TMEM67: variants seen among roughly 807,000 people sequenced by gnomAD.
TMEM67 encodes the protein meckelin.
Under a neutral mutation model 136.6 loss-of-function variants are expected in TMEM67, and 124 were observed. That is an observed-to-expected ratio of 0.91 (90% confidence interval 0.78 to 1.05). The LOEUF (loss-of-function observed/expected upper bound fraction) is 1.05. Ranked by LOEUF, TMEM67 falls within the 50% of genes least tolerant of loss-of-function variation. The probability of loss-of-function intolerance (pLI) is 0.00; values close to 1 mark genes in which losing one functional copy is unlikely to be tolerated. For synonymous variants in TMEM67, 364 were observed against 390.5 expected (o/e 0.93, Z 0.80); for missense variants, 1,107 against 1,178.4 (o/e 0.94, Z 0.89).
intron 17 of TMEM67, 52 bp from the exon 18 acceptor site, chr8:93,795,849 A>G: frequency 7.2e-7 from 1 of 1,389,934 alleles, no homozygotes; most frequent in Non-Finnish European, 1.0e-6. Flanking sequence ...ACAAACAAAC[A>G]AACAAAAAAA....
At chr8:93,826,481 G>A in the TMEM67 span, among the ~76,000 whole-genome samples, 1 of 152,134 alleles carries the variant, frequency 6.6e-6, no homozygotes, top group Non-Finnish European at 1.5e-5. Context: ...AGTGAAAGCT[G>A]TGTGACTCAA....
chr8:93,794,317 T>C (rs1290761656), intron 16 of TMEM67, among the ~76,000 whole-genome samples: 1 of 152,240 alleles, frequency 6.6e-6, no homozygotes, highest in African/African-American at 2.4e-5. Flanking sequence ...CATTTTATTC[T>C]ATTAACTTTA....
At chr8:93,813,010 A>G (rs999499080) in intron 26 of TMEM67, among the ~76,000 whole-genome samples, 1 of 152,186 alleles carries the variant, frequency 6.6e-6, no homozygotes, top group Non-Finnish European at 1.5e-5. Context: ...TGCTGGGATT[A>G]CAGGCATGAG....
At chr8:93,832,469 C>A in the TMEM67 span, among the ~76,000 whole-genome samples, 63 of 152,228 alleles carry the variant, frequency 4.1e-4, no homozygotes, top group African/African-American at 1.5e-3. Flanking sequence ...TTGGAGAGAT[C>A]ACCTTCTATA....
In TMEM67 at chr8:93,772,629, A is replaced by C. The variant is rs143495661; in HGVS notation, c.692A>C (p.Gln231Pro). 5.6e-6 allele frequency: 9 copies of C among 1,612,602 alleles called. No individual in the cohort carries two copies. The African/African-American group carries it at 9.3e-5, about 17-fold the overall frequency. The stretch of plus-strand genomic sequence containing the variant: ...TCAGAATGGTTTGCAAAGTATTTGC[A>C]ATCATCAGCAGCTGCATGTTGGGTA... ...LTSEWFAKYL[Q>P]SSAAACWVYA... is the part of the protein sequence containing the mutation. Residue 231 changes from glutamine to proline, a missense_variant, in exon 7 of 28, where the codon CAA (glutamine) becomes CCA (proline). Physicochemically the swap from Gln to Pro is moderately conservative, Grantham distance 76. Coordinates refer to ENST00000453321, the MANE Select transcript of TMEM67 (RefSeq NM_153704.6).
chr8:93,785,239 T>TA lies in TMEM67; in HGVS notation c.1151dup (p.Ile385AspfsTer4). The TA allele has an allele frequency of 3.8e-6, 6 of 1,588,198 alleles. No individual in the cohort carries two copies. Among genetic ancestry groups the TA allele is most frequent in the Non-Finnish European group, 4.3e-6 (5 of 1,157,588 alleles). On this transcript the variant is annotated frameshift_variant, in exon 12 of 28. Transcript: ENST00000453321. LOFTEE classifies it high-confidence loss of function. The stretch of plus-strand genomic sequence containing the variant: ...CTTTTCAGTGTGAGATTCCTATCTC[T>TA]AAGATCTTAATTGACTTTCCCACTC...
chr8:93,819,255 AACTG>A (rs1413054472), downstream of TMEM67: 4 of 421,356 alleles, frequency 9.5e-6, no homozygotes, highest in African/African-American at 2.1e-5. Context: ...TGATCTCAAT[AACTG>A]ACCAATGAAA....
intron 11 of TMEM67, among the ~76,000 whole-genome samples, chr8:93,783,444 T>A (rs1278953235): frequency 2.0e-5 from 3 of 152,230 alleles, no homozygotes; most frequent in Non-Finnish European, 2.9e-5. Flanking sequence ...TACTCCCTTC[T>A]TCTACCCGCT....
chr8:93,786,780 G>A lies in TMEM67; in HGVS notation c.1412+434G>A, dbSNP rs558031869. 5.1e-4 allele frequency among the ~76,000 whole-genome samples: 77 copies of A among 152,170 alleles called. 1 individual carries two copies. The highest frequency in any genetic ancestry group is 3.4e-3 in the Middle Eastern group (1 of 294). ...TAGGATAATCTCATTATGATCCTAC[G>A]TTAGGATAGTACCTCGCCACTTAAA... On this transcript the variant is annotated intron_variant, in intron 13 of 27. Coordinates refer to ENST00000453321, the MANE Select transcript of TMEM67 (RefSeq NM_153704.6).
intron 6 of TMEM67, among the ~76,000 whole-genome samples, chr8:93,766,248 A>G (rs1446339980): frequency 6.6e-6 from 1 of 151,952 alleles, no homozygotes; most frequent in Non-Finnish European, 1.5e-5. Context: ...CTCAGCGAGT[A>G]GCTGGGATTA....
chr8:93,801,548 C>T (rs1814872490), intron 21 of TMEM67, among the ~76,000 whole-genome samples: 1 of 152,036 alleles, frequency 6.6e-6, no homozygotes, highest in Non-Finnish European at 1.5e-5. Context: ...ATTACAGGCA[C>T]CTGCCACCAG....
At position 93,793,186 on chromosome 8, in the gene TMEM67, T is replaced by C; in HGVS notation, c.1576-12T>C. 6.2e-7 allele frequency: 1 copy of C among 1,610,466 alleles called. No homozygotes were observed. The highest frequency in any genetic ancestry group is 8.5e-7 in the Non-Finnish European group (1 of 1,176,682). On this transcript the variant is annotated splice_polypyrimidine_tract_variant and intron_variant, in intron 15 of 27. Coordinates refer to ENST00000453321, the MANE Select transcript of TMEM67 (RefSeq NM_153704.6). Reference sequence around the variant, plus strand: ...AATTACATAAATTCTCAATTGTTCTTTTGTTTTTTAGATTGCTTTGGGTGT... The same window carrying C: ...AATTACATAAATTCTCAATTGTTCTCTTGTTTTTTAGATTGCTTTGGGTGT...
chr8:93,820,708 G>A (rs1809029131), downstream of TMEM67, among the ~76,000 whole-genome samples: 1 of 152,168 alleles, frequency 6.6e-6, no homozygotes, highest in Non-Finnish European at 1.5e-5. Context: ...AAAGTGCCTG[G>A]CACATAGTAA....
chr8:93,770,501 C>G (rs1163865426), intron 6 of TMEM67, among the ~76,000 whole-genome samples: 2 of 152,212 alleles, frequency 1.3e-5, no homozygotes, highest in Admixed American at 6.5e-5. Flanking sequence ...GGATCTCACA[C>G]TGCAGTTAGT....
At chr8:93,819,368 C>T (rs1809007478), downstream of TMEM67, 1 of 348,464 alleles carries the variant, frequency 2.9e-6, no homozygotes, top group Non-Finnish European at 5.5e-6. Context: ...GAAGACAACA[C>T]CCCTGTGGGA....
intron 15 of TMEM67, among the ~76,000 whole-genome samples, chr8:93,792,693 ATAT>A (rs747003089): frequency 2.6e-5 from 4 of 151,274 alleles, no homozygotes; most frequent in Non-Finnish European, 4.4e-5. Flanking sequence ...TAATTATAAT[ATAT>A]TATTATTTGT....
intron 23 of TMEM67, among the ~76,000 whole-genome samples, chr8:93,805,493 A>G (rs958089668): frequency 2.0e-5 from 3 of 151,552 alleles, no homozygotes; most frequent in Non-Finnish European, 4.4e-5. Context: ...CTGAGGCAGA[A>G]TGGCATGAAC....
chr8:93,787,049 G>GC (rs1814142052), intron 13 of TMEM67, among the ~76,000 whole-genome samples: 1 of 152,080 alleles, frequency 6.6e-6, no homozygotes, highest in Admixed American at 6.6e-5. Context: ...TGTCTTTTCA[G>GC]CATTTCTTCA....
chr8:93,804,488 T>TC (rs1238385820), intron 22 of TMEM67, among the ~76,000 whole-genome samples: 1 of 146,778 alleles, frequency 6.8e-6, no homozygotes, highest in African/African-American at 2.5e-5. Context: ...GCTATTTTTT[T>TC]TTTTTTTTTT....
Sources: allele counts gnomAD v4.1 joint callset (sites outside exome capture counted in the v4.1 genomes callset), GRCh38; gene constraint gnomAD v4.1.1; transcripts MANE v1.5; gene names NCBI Gene and HGNC (gene_info 2026-07-23, HGNC 2026-07-21).